The following SECISBP2L variants were observed in gnomAD, a reference collection of about 807,000 sequenced individuals.
SECISBP2L encodes the protein selenocysteine insertion sequence-binding protein 2-like.
In SECISBP2L, 43 loss-of-function variants were observed where a neutral mutation model predicts 114.7. The ratio of observed to expected loss-of-function variants is 0.38; its 90% confidence interval spans 0.29 to 0.48. The LOEUF (loss-of-function observed/expected upper bound fraction) is 0.48. Among genes scored for constraint, SECISBP2L ranks in the 20% least tolerant of loss-of-function variants. The probability of loss-of-function intolerance (pLI) is 0.98; values close to 1 mark genes in which losing one functional copy is unlikely to be tolerated. For missense variants in SECISBP2L, 1,136 were observed against 1,301.1 expected (o/e 0.87, Z 1.95); for synonymous variants, 451 against 439.7 (o/e 1.03, Z -0.32).
chr15:49,037,699 G>A lies in SECISBP2L; in HGVS notation c.95C>T (p.Pro32Leu), dbSNP rs755330336. ...TCCATTATCATTTGGGAGAGCCATA[G>A]GGATCATAAATGTATCAGGACTCTT... ...QKKSPDTFMI[P>L]MALPNDNGSV... The change falls in exon 2 of 18, where the codon CCT becomes CTT. Residue 32 changes from proline to leucine, a missense_variant. Physicochemically the swap from Pro to Leu is moderately conservative, Grantham distance 98 (BLOSUM62 -3). Around this residue, in one of 2 missense-constraint regions of SECISBP2L, gnomAD observed 452 missense variants for 452.3 expected, o/e 1.00. Transcript: ENST00000559471. 1.2e-6 allele frequency: 2 copies of A among 1,613,792 alleles called. No individual in the cohort carries two copies. The highest frequency in any genetic ancestry group is 1.7e-6 in the Non-Finnish European group (2 of 1,179,822).
intron 1 of SECISBP2L, among the ~76,000 whole-genome samples, chr15:49,040,780 C>T (rs575038661): frequency 3.5e-4 from 53 of 151,492 alleles, no homozygotes; most frequent in Non-Finnish European, 6.3e-4. Context: ...CCTCGTGATC[C>T]GCCCGCCTCG....
In SECISBP2L at chr15:49,012,774, T is replaced by A. The variant is rs773636698; in HGVS notation, c.1605A>T (p.Arg535Ser). 5 of 1,613,924 alleles carry A rather than the reference T, an allele frequency of 3.1e-6. No homozygotes were observed. In the Admixed American group the frequency reaches 8.3e-5, roughly 27 times the overall value. Residue 535 changes from arginine (R) to serine (S), a missense_variant, in exon 12 of 18, where the codon AGA (arginine) becomes AGT (serine). Coordinates refer to ENST00000559471, the MANE Select transcript of SECISBP2L (RefSeq NM_001193489.2). The stretch of plus-strand genomic sequence containing the variant: ...AGGGCTGACTTTTGGTTAAAGGTTT[T>A]CTATTAGTAGAGTCTTTAGTGTGAA... ...ASFHTKDSTN[R>S]KPLTKSQPCL...
In SECISBP2L at chr15:49,009,242, G is replaced by T. The variant is rs1453231215; in HGVS notation, c.2001C>A (p.Thr667=). 1.2e-6 allele frequency: 2 copies of T among 1,613,934 alleles called. No homozygotes were observed. Among genetic ancestry groups the T allele is most frequent in the South Asian group, 2.2e-5 (2 of 91,080 alleles). ...CTCTAAATCTTTTGCTGTGGATTTT[G>T]GTTATTGTTGAAGATGCCATTGGAC... ...IGSPMASSTI[T]KIHSKRFREY... The change falls in exon 14 of 18, where the codon ACC becomes ACA. Residue 667 remains threonine, a synonymous_variant. Transcript: ENST00000559471.
intron 8 of SECISBP2L, among the ~76,000 whole-genome samples, chr15:49,018,065 T>C (rs1446217106): frequency 6.6e-6 from 1 of 152,182 alleles, no homozygotes; most frequent in African/African-American, 2.4e-5. Context: ...GAAATTAATT[T>C]ATTAATATCT....
chr15:49,019,115 G>T (rs1290301817), intron 8 of SECISBP2L, among the ~76,000 whole-genome samples: 1 of 152,088 alleles, frequency 6.6e-6, no homozygotes, highest in Admixed American at 6.6e-5. Flanking sequence ...CAAAAATTAA[G>T]TGAAAAAGCT....
intron 9 of SECISBP2L, 121 bp from the exon 10 acceptor site, chr15:49,017,136 A>C: frequency 1.0e-6 from 1 of 954,302 alleles, no homozygotes; most frequent in Non-Finnish European, 1.5e-6. Flanking sequence ...AAAGAATTCA[A>C]TGTCATAAAG....
intron 13 of SECISBP2L, among the ~76,000 whole-genome samples, chr15:49,011,130 T>C (rs1015243465): frequency 3.3e-5 from 5 of 152,236 alleles, no homozygotes; most frequent in African/African-American, 9.6e-5. Flanking sequence ...TTTAAATGTG[T>C]TGCAAAAAGT....
chr15:49,038,610 G>A (rs1016686315), intron 1 of SECISBP2L, among the ~76,000 whole-genome samples: 1 of 152,020 alleles, frequency 6.6e-6, no homozygotes, highest in Non-Finnish European at 1.5e-5. Context: ...TCCTAACCAG[G>A]ATAAAATTTA....
At chr15:49,025,528 C>T (rs1266077235) in intron 7 of SECISBP2L, among the ~76,000 whole-genome samples, 2 of 152,088 alleles carry the variant, frequency 1.3e-5, no homozygotes, top group East Asian at 3.9e-4. Context: ...GTAGAATTTT[C>T]TACTTGTGGT....
At chr15:49,001,124 C>T (rs1285561069) in intron 14 of SECISBP2L, 27 bp from the exon 15 acceptor site, 4 of 1,488,004 alleles carry the variant, frequency 2.7e-6, no homozygotes, top group Non-Finnish European at 3.7e-6. Context: ...AAATGGGTAA[C>T]TCCATCCTAA....
At chr15:49,017,450 C>T (rs1902558969) in intron 9 of SECISBP2L, 98 bp downstream of exon 9, 3 of 762,210 alleles carry the variant, frequency 3.9e-6, no homozygotes, top group Admixed American at 2.6e-5. Flanking sequence ...CACTCTGCTG[C>T]TCCATGTGCC....
chr15:49,029,593 G>A (rs1170860641), intron 4 of SECISBP2L, among the ~76,000 whole-genome samples: 1 of 152,148 alleles, frequency 6.6e-6, no homozygotes, highest in Non-Finnish European at 1.5e-5. Flanking sequence ...TTGCTACTAA[G>A]AACAATAGTA....
rs887220342 is a variant in SECISBP2L, at chr15:48,989,967, G to T, written c.*2277C>A. ...TAACATTTCCTTTAATAATTCTTGGGTTGTCCTCTAGAGGTGACCTGTCTC... is the reference window on the plus strand; with the variant it reads ...TAACATTTCCTTTAATAATTCTTGGTTTGTCCTCTAGAGGTGACCTGTCTC... On this transcript the variant is annotated 3_prime_UTR_variant, in exon 18 of 18. Coordinates refer to ENST00000559471, the MANE Select transcript of SECISBP2L (RefSeq NM_001193489.2). 1.3e-5 allele frequency: 2 copies of T among 152,544 alleles called. No individual in the cohort carries two copies. The highest frequency in any genetic ancestry group is 2.9e-5 in the Non-Finnish European group (2 of 68,024). 9.4% of individuals were successfully genotyped at this position (152,544 alleles called of 1,614,324 possible).
chr15:49,027,912 TA>T (rs1476989226), intron 6 of SECISBP2L, among the ~76,000 whole-genome samples: 3 of 152,158 alleles, frequency 2.0e-5, no homozygotes, highest in Non-Finnish European at 4.4e-5. Flanking sequence ...CCCGGCCCTA[TA>T]AACTTCTAAG....
At chr15:49,011,677 AT>A in intron 13 of SECISBP2L, 53 bp downstream of exon 13, 1 of 1,596,850 alleles carries the variant, frequency 6.3e-7, no homozygotes, top group African/African-American at 1.3e-5. Flanking sequence ...TTACGTATCT[AT>A]TAAAATATTT....
At chr15:49,006,990 C>T (rs12903559) in intron 14 of SECISBP2L, among the ~76,000 whole-genome samples, 76,266 of 151,928 alleles carry the variant, frequency 0.5, 21,361 homozygotes, top group Non-Finnish European at 0.63. Flanking sequence ...TGTGGACATC[C>T]TTTTTGTTGA....
rs373541842 is a variant in SECISBP2L, at chr15:49,028,584, C to T, written c.763G>A (p.Ala255Thr). 6.2e-7 allele frequency: 1 copy of T among 1,614,122 alleles called. No homozygotes were observed. Among genetic ancestry groups the T allele is most frequent in the Non-Finnish European group, 8.5e-7 (1 of 1,180,000 alleles). ...GRRRRASHPT[A>T]ESSSEQGASE... ...GCCCCCTGCTCACTAGAAGATTCAG[C>T]AGTAGGGTGGGATGCTCTTCTTCTC... is the stretch of plus-strand genomic sequence containing the variant. The change falls in exon 5 of 18, where the codon GCT becomes ACT. Residue 255 changes from alanine (A) to threonine (T), a missense_variant. By Grantham distance (58) the Ala-to-Thr change is moderately conservative. This residue lies in a region of SECISBP2L where 452 missense variants were observed against 452.3 expected (regional missense o/e 1.00). Transcript: ENST00000559471.
intron 14 of SECISBP2L, among the ~76,000 whole-genome samples, chr15:49,008,762 T>C (rs1902374114): frequency 6.6e-6 from 1 of 152,226 alleles, no homozygotes; most frequent in Admixed American, 6.5e-5. Context: ...TCCCCCCAGT[T>C]ATCTCAATTT....
At position 49,035,614 on chromosome 15, in the gene SECISBP2L, T is replaced by C. The variant is rs750087862; in HGVS notation, c.248A>G (p.Asn83Ser). The stretch of plus-strand genomic sequence containing the variant: ...AAAGTATGGTCCAGTAGGGTTTGGA[T>C]TGGGTTGTTGCCATCGTATATCATT... ...YNNDIRWQQP[N>S]PNPTGPYFAY... The change falls in exon 3 of 18, where the codon AAT (asparagine) becomes AGT (serine). Residue 83 changes from asparagine (N) to serine (S), a missense_variant. Physicochemically the swap from Asn to Ser is conservative, Grantham distance 46. Coordinates refer to ENST00000559471, the MANE Select transcript of SECISBP2L (RefSeq NM_001193489.2). 7 of 1,613,944 alleles carry C rather than the reference T, an allele frequency of 4.3e-6. No homozygotes were observed. The highest frequency in any genetic ancestry group is 1.3e-5 in the African/African-American group (1 of 75,044).
Sources: allele counts gnomAD v4.1 joint callset (sites outside exome capture counted in the v4.1 genomes callset), GRCh38; gene constraint gnomAD v4.1.1; regional missense constraint gnomAD v4.1.1; transcripts MANE v1.5; gene names NCBI Gene and HGNC (gene_info 2026-07-23, HGNC 2026-07-21).